AGTPBP1: variants seen among roughly 807,000 people sequenced by gnomAD.
The protein encoded by AGTPBP1 is ATP/GTP binding carboxypeptidase 1.
Under a neutral mutation model 143.9 loss-of-function variants are expected in AGTPBP1, and 70 were observed. The ratio of observed to expected loss-of-function variants is 0.49; its 90% CI spans 0.40 to 0.59. AGTPBP1 has a LOEUF of 0.59. Ranked by LOEUF, AGTPBP1 falls within the 20% of genes least tolerant of loss-of-function variation. The pLI, the probability that AGTPBP1 is intolerant of heterozygous loss-of-function variation, is 0.00. For missense variants in AGTPBP1, 1,229 were observed against 1,464.5 expected (o/e 0.84, Z 2.62); for synonymous variants, 463 against 500.2 (o/e 0.93, Z 0.99).
the AGTPBP1 span, among the ~76,000 whole-genome samples, chr9:85,801,956 G>C: frequency 2.0e-5 from 3 of 152,090 alleles, no homozygotes; most frequent in Non-Finnish European, 4.4e-5. Flanking sequence ...ATGTATGTAT[G>C]TATAATAGAT....
At chr9:85,615,353 A>T (rs191113349) in intron 17 of AGTPBP1, among the ~76,000 whole-genome samples, 3 of 152,280 alleles carry the variant, frequency 2.0e-5, no homozygotes, top group Non-Finnish European at 4.4e-5. Context: ...ACATATATGT[A>T]AACAAATAAT....
At chr9:85,583,151 AC>A (rs11351959) in intron 23 of AGTPBP1, among the ~76,000 whole-genome samples, 1,770 of 152,286 alleles carry the variant, frequency 0.012, 35 homozygotes, top group African/African-American at 0.04. Context: ...AAACAATTCT[AC>A]CACACGGCCT....
chr9:85,585,273 A>C (rs1828533813), intron 23 of AGTPBP1, among the ~76,000 whole-genome samples, 190 bp downstream of exon 23: 1 of 152,224 alleles, frequency 6.6e-6, no homozygotes, highest in Non-Finnish European at 1.5e-5. Flanking sequence ...TTAGATCCCC[A>C]CATCTCACAC....
At chr9:85,632,554 T>TA in intron 14 of AGTPBP1, 108 bp downstream of exon 14, 1 of 976,706 alleles carries the variant, frequency 1.0e-6, no homozygotes, top group South Asian at 1.8e-5. Flanking sequence ...TACAGTAACT[T>TA]ATAACTCACA....
chr9:85,750,367 T>C, the AGTPBP1 span, among the ~76,000 whole-genome samples: 13 of 152,216 alleles, frequency 8.5e-5, no homozygotes, highest in Non-Finnish European at 1.9e-4. Context: ...AATTCACTTA[T>C]AACTCAGATG....
the AGTPBP1 span, chr9:85,786,453 G>A: frequency 1.4e-5 from 23 of 1,613,564 alleles, no homozygotes; most frequent in African/African-American, 9.4e-5. Flanking sequence ...AAACTGTGTC[G>A]AAAAGAATTA....
Position 85,593,822 on chromosome 9 carries a change from T to A in AGTPBP1, c.2424-1118A>T, listed in dbSNP as rs370308454. On this transcript the variant is annotated intron_variant, in intron 18 of 25. Transcript: ENST00000357081. ...ATAATAAAGTTTTTAAAACTATACA[T>A]TACCTTCCAGACTCGAAATACTGCT... Among the ~76,000 whole-genome samples the A allele has an allele frequency of 3.0e-4, 45 of 152,274 alleles. 1 individual carries two copies. The highest frequency in any genetic ancestry group is 1.1e-3 in the African/African-American group (44 of 41,566).
intron 15 of AGTPBP1, among the ~76,000 whole-genome samples, chr9:85,620,918 C>T (rs1401998073): frequency 2.0e-5 from 3 of 152,110 alleles, no homozygotes; most frequent in Non-Finnish European, 4.4e-5. Context: ...TTCAAAAATA[C>T]AACATCATTG....
intron 2 of AGTPBP1, among the ~76,000 whole-genome samples, chr9:85,703,900 G>C (rs1024587149): frequency 6.6e-6 from 1 of 152,066 alleles, no homozygotes; most frequent in Non-Finnish European, 1.5e-5. Context: ...CCAATGAAGT[G>C]GGAAGAAAAA....
At chr9:85,753,398 T>G in the AGTPBP1 span, 3 of 1,613,858 alleles carry the variant, frequency 1.9e-6, no homozygotes, top group Non-Finnish European at 2.5e-6. Context: ...AAGGTTCGTT[T>G]GGAAGTATAG....
the AGTPBP1 span, among the ~76,000 whole-genome samples, chr9:85,748,946 T>G: frequency 6.6e-6 from 1 of 151,172 alleles, no homozygotes; most frequent in African/African-American, 2.4e-5. Context: ...AGAAGTCTGC[T>G]GAAATGCAAC....
In AGTPBP1 at chr9:85,637,913, G is replaced by GC. The variant is rs1378318194; in HGVS notation, c.1303-4540dup. 4.6e-5 allele frequency among the ~76,000 whole-genome samples: 7 copies of GC among 152,296 alleles called. No homozygotes were observed. The East Asian group carries it at 1.4e-3, about 29-fold the overall frequency. ...AGACAGCATGTGCACAAGTGCACAT[G>GC]CAAGTACACGCCACTAAACGACGTG... On this transcript the variant is annotated intron_variant, in intron 13 of 25. Transcript: ENST00000357081.
upstream of AGTPBP1, among the ~76,000 whole-genome samples, chr9:85,743,709 T>C (rs3812507): frequency 0.084 from 12,834 of 152,180 alleles, 1,206 homozygotes; most frequent in East Asian, 0.55. Flanking sequence ...GCCACTTCCC[T>C]GAACGCTACC....
the AGTPBP1 span, among the ~76,000 whole-genome samples, chr9:85,787,197 C>G: frequency 6.6e-6 from 1 of 152,088 alleles, no homozygotes; most frequent in African/African-American, 2.4e-5. Flanking sequence ...ATAATGCTAT[C>G]TTTTTTGTTT....
chr9:85,660,894 C>T (rs745377699), intron 9 of AGTPBP1, 42 bp downstream of exon 9: 3 of 1,381,062 alleles, frequency 2.2e-6, no homozygotes, highest in Admixed American at 2.4e-5. Flanking sequence ...ATAGAATTCT[C>T]AGAAAAATAG....
At chr9:85,637,868 A>G (rs1386675761) in intron 13 of AGTPBP1, among the ~76,000 whole-genome samples, 2 of 152,228 alleles carry the variant, frequency 1.3e-5, no homozygotes, top group Non-Finnish European at 2.9e-5. Flanking sequence ...AAATAAAGAC[A>G]CTTTCGGGGA....
intron 10 of AGTPBP1, among the ~76,000 whole-genome samples, chr9:85,657,201 A>C (rs1381038146): frequency 9.3e-6 from 1 of 107,142 alleles, no homozygotes; most frequent in Non-Finnish European, 1.8e-5. Flanking sequence ...AAAATAATAC[A>C]AAAAAAAAAA....
rs1275221117 is a variant in AGTPBP1, at chr9:85,547,084, C to A, written c.*25G>T. The A allele has an allele frequency of 1.3e-6, 2 of 1,563,536 alleles. No homozygotes were observed. Among genetic ancestry groups the A allele is most frequent in the Admixed American group, 2.0e-5 (1 of 50,204 alleles). ...ACCAAGATATTTCATTTATTCTTTGCAGTTAACAAGAGATGGCAGCGGGCT... is the reference window on the plus strand; with the variant it reads ...ACCAAGATATTTCATTTATTCTTTGAAGTTAACAAGAGATGGCAGCGGGCT... On this transcript the variant is annotated 3_prime_UTR_variant, in exon 26 of 26. Transcript: ENST00000357081.
intron 2 of AGTPBP1, among the ~76,000 whole-genome samples, chr9:85,695,412 G>A (rs924696170): frequency 6.6e-6 from 1 of 152,134 alleles, no homozygotes; most frequent in African/African-American, 2.4e-5. Context: ...TTCAGCAAAT[G>A]TGCAAGGCCA....
Sources: gnomAD v4.1 joint callset for allele counts (sites outside exome capture counted in the v4.1 genomes callset) on GRCh38, gnomAD v4.1.1 for gene constraint, MANE v1.5 for transcripts, NCBI Gene and HGNC (gene_info 2026-07-23, HGNC 2026-07-21) for gene names.